Variants in BNC2 observed in about 807,000 individuals in gnomAD.
The protein encoded by BNC2 is zinc finger protein basonuclin-2.
BNC2 carries 20 observed loss-of-function variants against 76.3 expected under a neutral mutation model. The ratio of observed to expected loss-of-function variants is 0.26; its 90% CI spans 0.18 to 0.38. The LOEUF is 0.38. Among genes scored for constraint, BNC2 ranks in the 10% least tolerant of loss-of-function variants. BNC2 has a pLI of 1.00. For missense variants in BNC2, 1,382 were observed against 1,399.8 expected (o/e 0.99, Z 0.20); for synonymous variants, 582 against 514.8 (o/e 1.13, Z -1.77).
intron 5 of BNC2, among the ~76,000 whole-genome samples, chr9:16,508,821 C>CTTTG (rs1822689470): frequency 7.0e-6 from 1 of 143,418 alleles, no homozygotes; most frequent in Admixed American, 7.0e-5. Context: ...TTTTGCACAT[C>CTTTG]TTTTTTTTTT....
chr9:16,514,756 A>G (rs922418715), intron 5 of BNC2, among the ~76,000 whole-genome samples: 15 of 152,192 alleles, frequency 9.9e-5, no homozygotes, highest in Non-Finnish European at 2.9e-5. Flanking sequence ...TTAGCAAGGG[A>G]TCCACGTCTC....
At chr9:16,593,528 G>A (rs1449394912) in intron 3 of BNC2, among the ~76,000 whole-genome samples, 4 of 149,566 alleles carry the variant, frequency 2.7e-5, no homozygotes, top group African/African-American at 5.0e-5. Context: ...AAGCTTTGGA[G>A]TGCGTGTGTG....
intron 1 of BNC2, among the ~76,000 whole-genome samples, chr9:16,748,491 G>A (rs1825075839): frequency 6.6e-6 from 1 of 152,004 alleles, no homozygotes; most frequent in African/African-American, 2.4e-5. Context: ...TCCAGCCTGG[G>A]AGACAGAGTG....
chr9:16,615,646 C>T (rs2133494354), intron 3 of BNC2, among the ~76,000 whole-genome samples: 1 of 152,276 alleles, frequency 6.6e-6, no homozygotes, highest in South Asian at 2.1e-4. Flanking sequence ...AAACATTCAG[C>T]TTTAATTGTT....
chr9:16,451,419 C>T (rs1821337285), intron 5 of BNC2, among the ~76,000 whole-genome samples: 2 of 152,160 alleles, frequency 1.3e-5, no homozygotes, highest in South Asian at 2.1e-4. Context: ...GAATATTTCA[C>T]TCCCCTTCTT....
chr9:16,715,539 A>G (rs903502953), intron 3 of BNC2, among the ~76,000 whole-genome samples: 1 of 152,238 alleles, frequency 6.6e-6, no homozygotes, highest in Non-Finnish European at 1.5e-5. Flanking sequence ...TGTTTAGACC[A>G]CACAGTTTTT....
intron 3 of BNC2, among the ~76,000 whole-genome samples, chr9:16,656,720 T>C (rs1178663874): frequency 6.6e-6 from 1 of 152,190 alleles, no homozygotes; most frequent in African/African-American, 2.4e-5. Context: ...TCTTAACAAA[T>C]TTCTAGATGC....
In BNC2 at chr9:16,411,992, T is replaced by C. The variant is rs1003472529; in HGVS notation, c.*6997A>G. Reference sequence around the variant, plus strand: ...TCACTTTCCAACCATCATTTGAGTATTTCAATATACAAAAATAGCAGCCAA... The same window carrying C: ...TCACTTTCCAACCATCATTTGAGTACTTCAATATACAAAAATAGCAGCCAA... On this transcript the variant is annotated 3_prime_UTR_variant, in exon 7 of 7. Coordinates refer to ENST00000380672, the MANE Select transcript of BNC2 (RefSeq NM_017637.6). 6.6e-6 allele frequency: 1 copy of C among 152,388 alleles called. No homozygotes were observed. Among genetic ancestry groups the C allele is most frequent in the Non-Finnish European group, 1.5e-5 (1 of 68,050 alleles). 9.4% of individuals were successfully genotyped at this position (152,388 alleles called of 1,614,324 possible).
intron 1 of BNC2, among the ~76,000 whole-genome samples, chr9:16,769,903 G>C (rs1269344803): frequency 6.6e-6 from 1 of 151,990 alleles, no homozygotes; most frequent in Admixed American, 6.6e-5. Context: ...GGCTCTAAGT[G>C]GGTGCTCCAG....
intron 1 of BNC2, chr9:16,832,270 CTT>C (rs1818593645): frequency 4.7e-6 from 6 of 1,284,368 alleles, no homozygotes; most frequent in Non-Finnish European, 6.1e-6. Context: ...CTAGAAGGTT[CTT>C]TGACGTCATC....
intron 3 of BNC2, among the ~76,000 whole-genome samples, chr9:16,658,661 GC>G (rs1822004687): frequency 6.6e-6 from 1 of 152,110 alleles, no homozygotes; most frequent in Non-Finnish European, 1.5e-5. Context: ...CATGTGCCCA[GC>G]CCTTTTCCTC....
At chr9:16,519,482 G>C (rs1383642057) in intron 5 of BNC2, among the ~76,000 whole-genome samples, 2 of 152,172 alleles carry the variant, frequency 1.3e-5, no homozygotes, top group African/African-American at 2.4e-5. Flanking sequence ...ACTTCTGGGA[G>C]AGTTTCTCAT....
At chr9:16,672,422 G>C (rs193268363) in intron 3 of BNC2, among the ~76,000 whole-genome samples, 11 of 152,066 alleles carry the variant, frequency 7.2e-5, no homozygotes, top group African/African-American at 2.7e-4. Flanking sequence ...GCGTGAACCC[G>C]GGAGGCAGAG....
chr9:16,692,993 G>T (rs1823220402), intron 3 of BNC2, among the ~76,000 whole-genome samples: 1 of 127,914 alleles, frequency 7.8e-6, no homozygotes, highest in African/African-American at 2.5e-5. Context: ...AGCTGGGCAT[G>T]GTGGCGGGCA....
At chr9:16,504,828 A>G (rs955708883) in intron 5 of BNC2, among the ~76,000 whole-genome samples, 1 of 152,184 alleles carries the variant, frequency 6.6e-6, no homozygotes, top group Non-Finnish European at 1.5e-5. Flanking sequence ...ACTCCACTCC[A>G]GCATGGGCAA....
intron 5 of BNC2, among the ~76,000 whole-genome samples, chr9:16,514,036 G>GCAAC (rs1458389069): frequency 1.4e-4 from 21 of 152,172 alleles, no homozygotes; most frequent in Non-Finnish European, 2.1e-4. Flanking sequence ...ACCTATACGT[G>GCAAC]TGGCTATCTC....
intron 5 of BNC2, among the ~76,000 whole-genome samples, chr9:16,498,082 T>C (rs1341431296): frequency 6.7e-6 from 1 of 148,184 alleles, no homozygotes; most frequent in African/African-American, 2.5e-5. Context: ...TTCTATCATA[T>C]ATATATTCCA....
intron 5 of BNC2, among the ~76,000 whole-genome samples, chr9:16,487,979 G>C (rs1822200597): frequency 6.6e-6 from 1 of 152,166 alleles, no homozygotes; most frequent in Non-Finnish European, 1.5e-5. Context: ...AAAATATTCA[G>C]CCATCAGTAC....
intron 5 of BNC2, among the ~76,000 whole-genome samples, chr9:16,529,583 G>T (rs1817915034): frequency 6.6e-6 from 1 of 152,044 alleles, no homozygotes; most frequent in African/African-American, 2.4e-5. Flanking sequence ...CCTAATTCTG[G>T]TCCCTGTTGT....
Sources: gnomAD v4.1 joint callset for allele counts (sites outside exome capture counted in the v4.1 genomes callset) on GRCh38, gnomAD v4.1.1 for gene constraint, MANE v1.5 for transcripts, NCBI Gene and HGNC (gene_info 2026-07-23, HGNC 2026-07-21) for gene names.